PRKCZ: variants seen among roughly 807,000 people sequenced by gnomAD.
The protein encoded by PRKCZ is protein kinase C zeta type.
In PRKCZ, 33 loss-of-function variants were observed where a neutral mutation model predicts 79.5. The observed-to-expected ratio is 0.41, with a 90% confidence interval of 0.31 to 0.55. The LOEUF (loss-of-function observed/expected upper bound fraction) is 0.55, where lower values mean the gene tolerates loss of function less well. Among genes scored for constraint, PRKCZ ranks in the 20% least tolerant of loss-of-function variants. The pLI, the probability that PRKCZ is intolerant of heterozygous loss-of-function variation, is 0.19. For missense variants in PRKCZ, 578 were observed against 813.5 expected, an observed-to-expected ratio of 0.71 and a Z score of 3.52; for synonymous variants, 342 against 320.9, an observed-to-expected ratio of 1.07 and a Z score of -0.70.
At chr1:2,124,826 C>T (rs577392317) in intron 4 of PRKCZ, among the ~76,000 whole-genome samples, 70 of 152,080 alleles carry the variant, frequency 4.6e-4, no homozygotes, top group Non-Finnish European at 8.1e-4. Flanking sequence ...TCTCTGGCAA[C>T]ACCTTCTCTT....
chr1:2,068,182 C>T (rs1437806682), intron 4 of PRKCZ, among the ~76,000 whole-genome samples: 2 of 152,244 alleles, frequency 1.3e-5, no homozygotes, highest in Non-Finnish European at 2.9e-5. Context: ...AAGCCACAGC[C>T]CGGCCCTGGT....
Position 2,082,156 on chromosome 1 carries a change from G to C in PRKCZ, c.334+22565G>C, listed in dbSNP as rs927957225. The C allele has an allele frequency of 2.9e-6, 1 of 341,196 alleles. No homozygotes were observed. Among genetic ancestry groups the C allele is most frequent in the East Asian group, 8.1e-5 (1 of 12,382 alleles). The allele number at this position is 341,196 out of a possible 1,614,324, so 21.1% of individuals were successfully genotyped here. A position where few individuals can be genotyped will look rare whatever the true frequency, so the allele number is the denominator to read the frequency against. Reference sequence around the variant, plus strand: ...AGGGCGGACGTGGTCAGGGGTGCTGGACGCGTCAGACGGGTTCTTTGCAGC... The same window carrying C: ...AGGGCGGACGTGGTCAGGGGTGCTGCACGCGTCAGACGGGTTCTTTGCAGC... On this transcript the variant is annotated intron_variant, in intron 4 of 17. Transcript: ENST00000378567. This position sits in a 1 kb window ranked among gnomAD's most constrained non-coding sequence, Gnocchi z 4.4.
intron 3 of PRKCZ, 72 bp downstream of exon 3, chr1:2,056,645 G>A: frequency 7.3e-7 from 1 of 1,379,300 alleles, no homozygotes; most frequent in Non-Finnish European, 1.0e-6. Flanking sequence ...CGACTAGCTG[G>A]GGGATTTAAA....
In PRKCZ at chr1:2,112,988, G is replaced by A. The variant is rs185255360; in HGVS notation, c.335-22274G>A. Among the ~76,000 whole-genome samples the A allele has an allele frequency of 6.1e-3, 929 of 152,184 alleles. 14 individuals carry two copies. The highest frequency in any genetic ancestry group is 0.021 in the African/African-American group (869 of 41,534). ...ATTACAGGCTTGAGCCACTGCGCCC[G>A]GCCCCATTTTCTTTACATTTGTGAC... On this transcript the variant is annotated intron_variant, in intron 4 of 17. Transcript: ENST00000378567.
chr1:2,146,981 A>G (rs989046046), intron 7 of PRKCZ, among the ~76,000 whole-genome samples: 1 of 151,648 alleles, frequency 6.6e-6, no homozygotes, highest in African/African-American at 2.4e-5. Context: ...CTATCCATCT[A>G]TCCACGATCC....
intron 5 of PRKCZ, 27 bp from the exon 6 acceptor site, chr1:2,144,181 TGG>T (rs1175284130): frequency 1.3e-6 from 2 of 1,549,242 alleles, no homozygotes; most frequent in Admixed American, 3.9e-5. Context: ...CAGTGTGGCC[TGG>T]GCCTGACGCT....
At chr1:2,101,852 C>T (rs536389340) in intron 4 of PRKCZ, among the ~76,000 whole-genome samples, 91 of 152,290 alleles carry the variant, frequency 6.0e-4, no homozygotes, top group Admixed American at 1.6e-3. Context: ...CAAGGATACA[C>T]GGCAGAGATA....
chr1:2,161,107 G>T (rs561357482), intron 10 of PRKCZ, among the ~76,000 whole-genome samples: 80 of 152,308 alleles, frequency 5.3e-4, no homozygotes, highest in South Asian at 1.4e-3. Context: ...AGTCATGGGA[G>T]CTCAGAACAG....
chr1:2,076,409 G>C (rs1662431755), intron 4 of PRKCZ, among the ~76,000 whole-genome samples: 1 of 152,198 alleles, frequency 6.6e-6, no homozygotes, highest in African/African-American at 2.4e-5. Flanking sequence ...ATGATGCTGG[G>C]CCTCCAGAAA....
chr1:2,074,670 G>A, intron 4 of PRKCZ: 1 of 324,236 alleles, frequency 3.1e-6, no homozygotes. Context: ...GGGTGGCACA[G>A]CCAGGGTTAA....
intron 4 of PRKCZ, chr1:2,074,871 AAAC>A (rs1057476394): frequency 6.6e-6 from 1 of 151,446 alleles, no homozygotes; most frequent in Non-Finnish European, 1.5e-5. Context: ...TTAAAAAAAA[AAAC>A]AACAAAAAAC....
intron 4 of PRKCZ, among the ~76,000 whole-genome samples, chr1:2,072,498 T>C (rs1198908056): frequency 6.6e-6 from 1 of 152,104 alleles, no homozygotes; most frequent in Non-Finnish European, 1.5e-5. Context: ...TACTGTGGTT[T>C]CCATGGGAAA....
intron 5 of PRKCZ, among the ~76,000 whole-genome samples, chr1:2,135,682 G>T (rs1676048401): frequency 6.6e-6 from 1 of 152,324 alleles, no homozygotes; most frequent in Admixed American, 6.5e-5. Context: ...CATTCCATCC[G>T]CATGTAGCGC....
At chr1:2,084,394 T>C (rs1435549673) in intron 4 of PRKCZ, among the ~76,000 whole-genome samples, 1 of 152,212 alleles carries the variant, frequency 6.6e-6, no homozygotes, top group African/African-American at 2.4e-5. Flanking sequence ...ATTATGGTCA[T>C]AGCTTGCACT....
chr1:2,097,198 C>T (rs3107135), intron 4 of PRKCZ, among the ~76,000 whole-genome samples: 5,649 of 152,342 alleles, frequency 0.037, 342 homozygotes, highest in African/African-American at 0.12. Context: ...GGGCTGACCA[C>T]ACCAGTGTCC....
At chr1:2,111,555 C>G (rs3128336) in intron 4 of PRKCZ, 139,591 of 152,294 alleles carry the variant, frequency 0.92, 64,086 homozygotes, top group African/African-American at 0.95. Context: ...AGGGAGCCTG[C>G]TTGCCGGGTC....
intron 6 of PRKCZ, 180 bp downstream of exon 6, chr1:2,144,521 G>A: frequency 7.0e-7 from 1 of 1,424,530 alleles, no homozygotes; most frequent in Middle Eastern, 1.9e-4. Flanking sequence ...CCATCTTCCT[G>A]AGCCCCCACA....
In PRKCZ at chr1:2,127,293, A is replaced by G. The variant is rs1156529456; in HGVS notation, c.335-7969A>G. On this transcript the variant is annotated intron_variant, in intron 4 of 17. Transcript: ENST00000378567. This position sits in a 1 kb window ranked among gnomAD's most constrained non-coding sequence, Gnocchi z 5.1. ...AAAAGCATAGCATGTTTTCAATCAC[A>G]TGTTCAGCTGGGAAATAGATCTGTG... is the stretch of plus-strand genomic sequence containing the variant. Among the ~76,000 whole-genome samples the G allele has an allele frequency of 6.6e-6, 1 of 152,118 alleles. No individual in the cohort carries two copies. Among genetic ancestry groups the G allele is most frequent in the Non-Finnish European group, 1.5e-5 (1 of 68,024 alleles).
intron 4 of PRKCZ, among the ~76,000 whole-genome samples, chr1:2,081,114 C>T (rs1663423076): frequency 6.6e-6 from 1 of 152,238 alleles, no homozygotes; most frequent in African/African-American, 2.4e-5. Flanking sequence ...GCGTGGCCCA[C>T]ACCTAAGAGG....
Sources: allele counts gnomAD v4.1 joint callset (sites outside exome capture counted in the v4.1 genomes callset), GRCh38; gene constraint gnomAD v4.1.1; non-coding constraint Gnocchi (gnomAD v3.1); transcripts MANE v1.5; gene names NCBI Gene and HGNC (gene_info 2026-07-23, HGNC 2026-07-21).